OPCML: variants seen among roughly 807,000 people sequenced by gnomAD.
OPCML encodes opioid-binding protein/cell adhesion molecule.
A neutral mutation model predicts 37.8 loss-of-function variants in OPCML; 13 were observed. The observed-to-expected ratio is 0.34, with a 90% CI of 0.22 to 0.55. The LOEUF (loss-of-function observed/expected upper bound fraction) is 0.55. Among genes scored for constraint, OPCML ranks in the 20% least tolerant of loss-of-function variants. OPCML has a pLI of 0.91. For missense variants in OPCML, 341 were observed against 435.6 expected, an observed-to-expected ratio of 0.78 and a Z score of 1.93; for synonymous variants, 176 against 168.8, an observed-to-expected ratio of 1.04 and a Z score of -0.33.
At chr11:132,882,125 G>C (rs868739776) in intron 2 of OPCML, among the ~76,000 whole-genome samples, 1 of 152,278 alleles carries the variant, frequency 6.6e-6, no homozygotes, top group Middle Eastern at 3.4e-3. Context: ...CTACAGAGGA[G>C]GGGGAGGGTA....
Position 132,547,418 on chromosome 11 carries a change from A to C in OPCML, c.380-18232T>G, listed in dbSNP as rs1260785765. 2.6e-5 allele frequency among the ~76,000 whole-genome samples: 4 copies of C among 152,296 alleles called. No homozygotes were observed. In the East Asian group the frequency reaches 7.7e-4, roughly 29 times the overall value. ...AGGGAAGAGCAGACCCATGCTGAAG[A>C]CCGTTGGTGGAGCTTTAGGCAAGTT... On this transcript the variant is annotated intron_variant, in intron 3 of 7. Transcript: ENST00000524381.
chr11:132,689,544 G>GA (rs1276697172), intron 2 of OPCML, among the ~76,000 whole-genome samples: 1 of 152,172 alleles, frequency 6.6e-6, no homozygotes, highest in African/African-American at 2.4e-5. Flanking sequence ...AGATAGCTTA[G>GA]AAAAACATTT....
At chr11:132,802,932 G>C (rs1591631659) in intron 2 of OPCML, among the ~76,000 whole-genome samples, 1 of 152,158 alleles carries the variant, frequency 6.6e-6, no homozygotes, top group African/African-American at 2.4e-5. Context: ...CTAGTACTTA[G>C]ACTTCACTTA....
intron 2 of OPCML, among the ~76,000 whole-genome samples, chr11:132,733,061 T>C (rs527907018): frequency 6.6e-6 from 1 of 152,338 alleles, no homozygotes; most frequent in South Asian, 2.1e-4. Context: ...TCATTTCTTT[T>C]CACATTATCT....
At chr11:133,111,332 A>T (rs1266892086) in intron 1 of OPCML, among the ~76,000 whole-genome samples, 1 of 152,110 alleles carries the variant, frequency 6.6e-6, no homozygotes, top group Non-Finnish European at 1.5e-5. Context: ...TGTAATTTAG[A>T]CTAAAACACA....
rs567584956 is a variant in OPCML at position 133,285,016 on chromosome 11, G to A, written c.61+247248C>T. Among the ~76,000 whole-genome samples, 13 of 152,070 alleles carry A rather than the reference G, an allele frequency of 8.5e-5. 1 individual carries two copies. The East Asian group carries it at 2.3e-3, about 27-fold the overall frequency. The stretch of plus-strand genomic sequence containing the variant: ...AATTACTTACAACTCTATATGTTAC[G>A]AGATACATAAACAAATCAAATCAGA... On this transcript the variant is annotated intron_variant, in intron 1 of 7. Transcript: ENST00000524381.
At chr11:132,542,227 A>G (rs73035374) in intron 3 of OPCML, among the ~76,000 whole-genome samples, 28,093 of 152,136 alleles carry the variant, frequency 0.18, 3,175 homozygotes, top group Middle Eastern at 0.34. Context: ...GCAGACGTGG[A>G]AAGATGCCTG....
intron 4 of OPCML, among the ~76,000 whole-genome samples, chr11:132,466,357 G>A (rs926868337): frequency 1.3e-5 from 2 of 150,950 alleles, no homozygotes; most frequent in Non-Finnish European, 2.9e-5. Context: ...GGTGGCGGGC[G>A]CCTGTAGTCC....
At chr11:133,316,772 T>C (rs1943214563) in intron 1 of OPCML, among the ~76,000 whole-genome samples, 1 of 152,230 alleles carries the variant, frequency 6.6e-6, no homozygotes, top group East Asian at 1.9e-4. Context: ...GCGGGGATAT[T>C]CAGCACTAGT....
intron 1 of OPCML, among the ~76,000 whole-genome samples, chr11:133,060,111 A>G (rs1948313033): frequency 6.6e-6 from 1 of 152,114 alleles, no homozygotes; most frequent in African/African-American, 2.4e-5. Context: ...ACTTCAAAAA[A>G]TGGAATTAGA....
intron 1 of OPCML, among the ~76,000 whole-genome samples, chr11:133,513,395 C>A (rs1334387453): frequency 6.6e-6 from 1 of 152,180 alleles, no homozygotes; most frequent in South Asian, 2.1e-4. Flanking sequence ...TTGGATTACT[C>A]CTTTCTTCCA....
intron 1 of OPCML, among the ~76,000 whole-genome samples, chr11:133,227,970 G>A (rs1268879271): frequency 6.6e-6 from 1 of 152,234 alleles, no homozygotes; most frequent in Non-Finnish European, 1.5e-5. Flanking sequence ...GCAGTGGAGT[G>A]CCCCGACCAA....
intron 1 of OPCML, among the ~76,000 whole-genome samples, chr11:133,330,064 G>T (rs1364424198): frequency 6.6e-6 from 1 of 152,190 alleles, no homozygotes; most frequent in Non-Finnish European, 1.5e-5. Context: ...CATTTATGCA[G>T]CCAAAACAAC....
intron 1 of OPCML, among the ~76,000 whole-genome samples, chr11:133,530,419 G>A (rs1565686085): frequency 6.6e-6 from 1 of 152,264 alleles, no homozygotes; most frequent in African/African-American, 2.4e-5. Flanking sequence ...TGGGATGGGG[G>A]TCCTGATCTT....
At chr11:132,660,490 G>C (rs1446416575) in intron 2 of OPCML, among the ~76,000 whole-genome samples, 1 of 152,086 alleles carries the variant, frequency 6.6e-6, no homozygotes, top group East Asian at 1.9e-4. Context: ...TCAGTATCTG[G>C]AAAGTATATG....
Position 133,532,315 on chromosome 11 carries a change from G to A in OPCML, c.10C>T (p.Pro4Ser). The A allele has an allele frequency of 6.2e-7, 1 of 1,613,762 alleles. No homozygotes were observed. Among genetic ancestry groups the A allele is most frequent in the Non-Finnish European group, 8.5e-7 (1 of 1,179,860 alleles). Reference protein sequence around the residue: MYHPAYWVVFSATT... With the variant: MYHSAYWVVFSATT... ...GCCGAGAAGACGACCCAGTAGGCAGGATGGTACATCTCGACGCTGCGGTGC... is the reference window on the plus strand; with the variant it reads ...GCCGAGAAGACGACCCAGTAGGCAGAATGGTACATCTCGACGCTGCGGTGC... The change falls in exon 1 of 8, where the codon CCT becomes TCT. Residue 4 changes from proline (P) to serine (S), a missense_variant. Pro to Ser is a moderately conservative substitution (Grantham distance 74). Transcript: ENST00000524381.
chr11:133,262,665 C>G (rs537366844), intron 1 of OPCML, among the ~76,000 whole-genome samples: 7 of 152,302 alleles, frequency 4.6e-5, no homozygotes, highest in African/African-American at 1.7e-4. Flanking sequence ...CTTGAGCCCT[C>G]TCGTGTGGCT....
chr11:133,122,437 C>A (rs895754870), intron 1 of OPCML, among the ~76,000 whole-genome samples: 5 of 152,098 alleles, frequency 3.3e-5, no homozygotes, highest in Non-Finnish European at 5.9e-5. Flanking sequence ...TGAGTCAGAT[C>A]TCTAGTTCCA....
chr11:132,724,883 G>C (rs1944820825), intron 2 of OPCML, among the ~76,000 whole-genome samples: 1 of 152,164 alleles, frequency 6.6e-6, no homozygotes, highest in South Asian at 2.1e-4. Context: ...TTGACTCCAG[G>C]TCTCACATCG....
Sources: gnomAD v4.1 joint callset for allele counts (sites outside exome capture counted in the v4.1 genomes callset) on GRCh38, gnomAD v4.1.1 for gene constraint, MANE v1.5 for transcripts, NCBI Gene and HGNC (gene_info 2026-07-23, HGNC 2026-07-21) for gene names.